Variants in SHC2 observed in about 807,000 individuals in gnomAD.
SHC2 encodes SHC-transforming protein 2.
A neutral mutation model predicts 60.6 loss-of-function variants in SHC2; 62 were observed. The ratio of observed to expected loss-of-function variants is 1.02; its 90% confidence interval spans 0.83 to 1.26. The LOEUF is 1.26. Ranked by LOEUF, SHC2 falls within the 50% of genes most tolerant of loss-of-function variation. The pLI is 0.00. For missense variants in SHC2, 873 were observed against 822.2 expected, an observed-to-expected ratio of 1.06 and a Z score of -0.76; for synonymous variants, 375 against 372.4, an observed-to-expected ratio of 1.01 and a Z score of -0.08.
At chr19:439,458 G>A (rs994139438) in intron 2 of SHC2, 21 of 217,642 alleles carry the variant, frequency 9.6e-5, no homozygotes, top group African/African-American at 3.2e-4. Context: ...GGTCCGTGTC[G>A]AGATCCTGTC....
At position 436,673 on chromosome 19, in the gene SHC2, T is replaced by C. The variant is rs780946433; in HGVS notation, c.731A>G (p.Asn244Ser). Residue 244 changes from asparagine (N) to serine (S), a missense_variant, in exon 5 of 13, where the codon AAC becomes AGC. By Grantham distance (46) the Asn-to-Ser change is conservative (BLOSUM62 1). Coordinates refer to ENST00000264554, the MANE Select transcript of SHC2 (RefSeq NM_012435.3). ...GAAGGAGATGGACGGCATGTGGTGGTTGGCGATGACCTGTGGCGGCAGGAG... is the reference window on the plus strand; with the variant it reads ...GAAGGAGATGGACGGCATGTGGTGGCTGGCGATGACCTGTGGCGGCAGGAG... ...SVPATRQVIA[N>S]HHMPSISFAS... 3 of 1,606,368 alleles carry C rather than the reference T, an allele frequency of 1.9e-6. No homozygotes were observed. Among genetic ancestry groups the C allele is most frequent in the Non-Finnish European group, 2.5e-6 (3 of 1,179,292 alleles).
chr19:439,496 C>A (rs1296070415), intron 2 of SHC2: 1 of 195,984 alleles, frequency 5.1e-6, no homozygotes, highest in Non-Finnish European at 1.1e-5. Context: ...CAGGAGCTGA[C>A]CCCAAACAAG....
chr19:439,701 C>A (rs1428492863), intron 2 of SHC2, among the ~76,000 whole-genome samples: 1 of 152,096 alleles, frequency 6.6e-6, no homozygotes, highest in Non-Finnish European at 1.5e-5. Context: ...GCAGCGGCTC[C>A]TGCCTGTCAT....
Position 446,350 on chromosome 19 carries a change from C to T in SHC2, c.469-5418G>A, listed in dbSNP as rs1333848196. ...TGTTTGAGACGGAGTCTTGCTCTGT[C>T]GCCAGGCTGGAGTGCGGTGGTGCGA... On this transcript the variant is annotated intron_variant, in intron 1 of 12. Transcript: ENST00000264554. The surrounding 1 kb of genome is among the most constrained non-coding windows in gnomAD (Gnocchi z 5.4). Among the ~76,000 whole-genome samples the T allele has an allele frequency of 2.0e-5, 3 of 152,242 alleles. No individual in the cohort carries two copies. Among genetic ancestry groups the T allele is most frequent in the East Asian group, 1.9e-4 (1 of 5,182 alleles).
intron 12 of SHC2, among the ~76,000 whole-genome samples, chr19:418,448 G>A (rs1357555527): frequency 1.3e-5 from 2 of 152,232 alleles, no homozygotes; most frequent in Non-Finnish European, 2.9e-5. Flanking sequence ...GCCAAAAGGC[G>A]GAAGCAGCCC....
chr19:425,339 C>G lies in SHC2; in HGVS notation c.1175-108G>C. On this transcript the variant is annotated intron_variant, in intron 9 of 12. Transcript: ENST00000264554. This position sits in a 1 kb window ranked among gnomAD's most constrained non-coding sequence, Gnocchi z 4.1. ...GCTCCCCCGGCCACCACCTGTGCTG[C>G]TGGCTGCAGGGCGGATGCTGCTCTG... The G allele has an allele frequency of 1.0e-6, 1 of 960,518 alleles. No individual in the cohort carries two copies. The highest frequency in any genetic ancestry group is 1.4e-6 in the Non-Finnish European group (1 of 735,394). 59.5% of individuals were successfully genotyped at this position (960,518 alleles called of 1,614,324 possible).
chr19:434,687 C>G lies in SHC2; in HGVS notation c.1110+22G>C, dbSNP rs752620579. 15 of 1,587,632 alleles carry G rather than the reference C, an allele frequency of 9.4e-6. No homozygotes were observed. In the Admixed American group the frequency reaches 2.6e-4, roughly 28 times the overall value. On this transcript the variant is annotated intron_variant, in intron 8 of 12. Coordinates refer to ENST00000264554, the MANE Select transcript of SHC2 (RefSeq NM_012435.3). ...GCAGCTGGGGCATCCCTGTCCCCAT[C>G]CCCCCGAGGGCAGAGGCTGACCTGG...
Position 424,335 on chromosome 19 carries a change from T to G in SHC2, c.1309+762A>C, listed in dbSNP as rs371727659. Among the ~76,000 whole-genome samples the G allele has an allele frequency of 6.6e-6, 1 of 152,168 alleles. No individual in the cohort carries two copies. On this transcript the variant is annotated intron_variant, in intron 10 of 12. Coordinates refer to ENST00000264554, the MANE Select transcript of SHC2 (RefSeq NM_012435.3). This position sits in a 1 kb window ranked among gnomAD's most constrained non-coding sequence, Gnocchi z 4.5. The stretch of plus-strand genomic sequence containing the variant: ...CCAGAGGTGGACTAAGCCTCCCTCA[T>G]TGGACTGGGCGTTCCTTCAAGCAGG...
chr19:451,213 A>C (rs976531398), intron 1 of SHC2, among the ~76,000 whole-genome samples: 1 of 120,546 alleles, frequency 8.3e-6, no homozygotes, highest in African/African-American at 2.7e-5. Context: ...CAGCGTGTGG[A>C]TGGCCACGCC....
At chr19:456,710 C>G (rs909278884) in intron 1 of SHC2, among the ~76,000 whole-genome samples, 11 of 132,848 alleles carry the variant, frequency 8.3e-5, no homozygotes, top group Non-Finnish European at 1.7e-4. Flanking sequence ...CTGTGCCCCC[C>G]CTAGAACTCT....
At chr19:451,786 CG>C (rs1006097886) in intron 1 of SHC2, among the ~76,000 whole-genome samples, 7 of 152,066 alleles carry the variant, frequency 4.6e-5, no homozygotes, top group Non-Finnish European at 4.4e-5. Context: ...TTAGTAGAGA[CG>C]GGGTTTCACC....
At chr19:451,114 C>T (rs1402971520) in intron 1 of SHC2, among the ~76,000 whole-genome samples, 7 of 145,376 alleles carry the variant, frequency 4.8e-5, no homozygotes, top group Non-Finnish European at 1.1e-4. Context: ...CATACCATAG[C>T]CACATCATAT....
chr19:431,353 TGAGTGAGAGA>T, intron 8 of SHC2, among the ~76,000 whole-genome samples: 1 of 138,484 alleles, frequency 7.2e-6, no homozygotes, highest in Admixed American at 7.1e-5. Context: ...AGTGAGATCG[TGAGTGAGAGA>T]TAGAGGAGGC....
intron 1 of SHC2, among the ~76,000 whole-genome samples, chr19:455,132 G>A (rs1975307363): frequency 6.6e-6 from 1 of 152,216 alleles, no homozygotes; most frequent in African/African-American, 2.4e-5. Context: ...GAATTTCGGT[G>A]AAATAACAAT....
At position 425,193 on chromosome 19, in the gene SHC2, C is replaced by A. The variant is rs757269052; in HGVS notation, c.1213G>T (p.Gly405Cys). 11 of 1,344,206 alleles carry A rather than the reference C, an allele frequency of 8.2e-6. No homozygotes were observed. The highest frequency in any genetic ancestry group is 3.0e-5 in the Admixed American group (1 of 33,314). 83.3% of individuals were successfully genotyped at this position (1,344,206 alleles called of 1,614,324 possible). The change falls in exon 10 of 13, where the codon GGC (glycine) becomes TGC (cysteine). Residue 405 changes from glycine (G) to cysteine (C), a missense_variant. Gly to Cys is a radical substitution (Grantham distance 159, BLOSUM62 -3). Transcript: ENST00000264554. The surrounding 1 kb of genome is among the most constrained non-coding windows in gnomAD (Gnocchi z 4.1). Reference sequence around the variant, plus strand: ...AGGTGCTCCTCGTGGTCCGGGGGGCCCCGGGCGTCCGCCTGCACGTAGCCG... The same window carrying A: ...AGGTGCTCCTCGTGGTCCGGGGGGCACCGGGCGTCCGCCTGCACGTAGCCG... Reference protein sequence around the residue: ...GDGYVQADARGPPDHEEHLYV... With the variant: ...GDGYVQADARCPPDHEEHLYV...
chr19:424,675 G>C lies in SHC2; in HGVS notation c.1309+422C>G, dbSNP rs1414108872. ...CGAACCTCCTCCCTTCAGACCGGGG[G>C]TTCCGACAGAGGCAGGTGGGTTACC... On this transcript the variant is annotated intron_variant, in intron 10 of 12. Coordinates refer to ENST00000264554, the MANE Select transcript of SHC2 (RefSeq NM_012435.3). The surrounding 1 kb of genome is among the most constrained non-coding windows in gnomAD (Gnocchi z 4.5). 6.6e-6 allele frequency among the ~76,000 whole-genome samples: 1 copy of C among 152,218 alleles called. No individual in the cohort carries two copies. Among genetic ancestry groups the C allele is most frequent in the Admixed American group, 6.5e-5 (1 of 15,284 alleles).
intron 1 of SHC2, among the ~76,000 whole-genome samples, chr19:447,134 G>A (rs1176239620): frequency 6.6e-6 from 1 of 152,234 alleles, no homozygotes; most frequent in Non-Finnish European, 1.5e-5. Flanking sequence ...ACTCTGGAAC[G>A]TGACCCAGAC....
intron 11 of SHC2, among the ~76,000 whole-genome samples, chr19:421,321 A>C (rs1354147738): frequency 6.6e-6 from 1 of 150,998 alleles, no homozygotes; most frequent in African/African-American, 2.4e-5. Flanking sequence ...AATCGCTTGA[A>C]CGCGGGAGGC....
rs569223675 is a variant in SHC2 at position 425,084 on chromosome 19, G to A, written c.1309+13C>T. ...CACACGCGATGACGGCCGCCCCCCAGGCTGCCACATACGCATGTCAAACAG... is the reference window on the plus strand; with the variant it reads ...CACACGCGATGACGGCCGCCCCCCAAGCTGCCACATACGCATGTCAAACAG... On this transcript the variant is annotated intron_variant, in intron 10 of 12. Transcript: ENST00000264554. The surrounding 1 kb of genome is among the most constrained non-coding windows in gnomAD (Gnocchi z 4.1). 50 of 1,373,936 alleles carry A rather than the reference G, an allele frequency of 3.6e-5. No individual in the cohort carries two copies. The South Asian group carries it at 8.9e-4, about 25-fold the overall frequency. 85.1% of individuals were successfully genotyped at this position (1,373,936 alleles called of 1,614,324 possible). A position where few individuals can be genotyped will look rare whatever the true frequency, so the allele number is the denominator to read the frequency against.
Sources: allele counts gnomAD v4.1 joint callset (sites outside exome capture counted in the v4.1 genomes callset), GRCh38; gene constraint gnomAD v4.1.1; non-coding constraint Gnocchi (gnomAD v3.1); transcripts MANE v1.5; gene names NCBI Gene and HGNC (gene_info 2026-07-23, HGNC 2026-07-21).